The following C18orf63 variants were observed in gnomAD, a reference collection of about 807,000 sequenced individuals.
C18orf63 encodes the protein uncharacterized protein C18orf63.
C18orf63 carries 50 observed loss-of-function variants against 75.3 expected under a neutral mutation model. The observed-to-expected ratio is 0.66, with a 90% CI of 0.53 to 0.84. C18orf63 has a LOEUF of 0.84. C18orf63 is among the 40% of genes least tolerant of loss of function. The pLI is 0.00. For synonymous variants in C18orf63, 232 were observed against 267.6 expected, an observed-to-expected ratio of 0.87 and a Z score of 1.30; for missense variants, 732 against 800.2, an observed-to-expected ratio of 0.91 and a Z score of 1.03.
intron 8 of C18orf63, among the ~76,000 whole-genome samples, chr18:74,340,155 A>G (rs1349628346): frequency 2.7e-5 from 3 of 111,264 alleles, no homozygotes; most frequent in Non-Finnish European, 2.2e-5. Context: ...AAATAACTCA[A>G]TAGCAAGAAA....
chr18:74,350,042 C>T (rs535772566), intron 11 of C18orf63, among the ~76,000 whole-genome samples: 1 of 152,250 alleles, frequency 6.6e-6, no homozygotes, highest in African/African-American at 2.4e-5. Context: ...CCATCCTATC[C>T]ATTGCAGTCA....
At chr18:74,343,452 T>A in intron 10 of C18orf63, 67 bp from the exon 11 acceptor site, 1 of 1,040,216 alleles carries the variant, frequency 9.6e-7, no homozygotes, top group East Asian at 2.7e-5. Context: ...TACTACTTTT[T>A]AAAATCCCTT....
At chr18:74,335,630 G>A (rs1843171926) in intron 7 of C18orf63, among the ~76,000 whole-genome samples, 1 of 152,052 alleles carries the variant, frequency 6.6e-6, no homozygotes, top group Admixed American at 6.6e-5. Flanking sequence ...ATATTAAACT[G>A]TTTGCTTTGA....
In C18orf63 at chr18:74,356,443, G is replaced by GA. The variant is rs1401201092; in HGVS notation, c.*34-32dup. The GA allele has an allele frequency of 2.0e-5, 3 of 152,540 alleles. No individual in the cohort carries two copies. The East Asian group carries it at 5.8e-4, about 29-fold the overall frequency. The allele number at this position is 152,540 out of a possible 1,614,324, so 9.4% of individuals were successfully genotyped here. On this transcript the variant is annotated intron_variant, in intron 13 of 13. Coordinates refer to ENST00000579455, the MANE Select transcript of C18orf63 (RefSeq NM_001174123.2). ...CTTGAGTAGTACAGAGCAGTTTCAA[G>GA]AAAAAAGTAAAAAACCATCTGTAAT...
At chr18:74,323,969 G>A (rs531399455) in intron 4 of C18orf63, among the ~76,000 whole-genome samples, 64 of 152,340 alleles carry the variant, frequency 4.2e-4, no homozygotes, top group South Asian at 3.3e-3. Context: ...ATGGAGTCCT[G>A]TGCAGGGCTG....
intron 4 of C18orf63, among the ~76,000 whole-genome samples, chr18:74,326,326 C>A (rs959565382): frequency 6.6e-6 from 1 of 152,168 alleles, no homozygotes; most frequent in Non-Finnish European, 1.5e-5. Flanking sequence ...TCTGCATGTC[C>A]TTTTTCACAG....
rs1568241199 is a variant in C18orf63, at chr18:74,353,856, GA to G, written c.1593del (p.Lys531AsnfsTer4). The G allele has an allele frequency of 6.5e-7, 1 of 1,534,832 alleles. No homozygotes were observed. Among genetic ancestry groups the G allele is most frequent in the Admixed American group, 2.0e-5 (1 of 50,952 alleles). On this transcript the variant is annotated frameshift_variant, in exon 12 of 14. Transcript: ENST00000579455. LOFTEE classifies it high-confidence loss of function. ...ATGACAAAATTTCCCTCTTCTCGTG[GA>G]AAATCGACTGTGAGTTTAAACAAAA... The part of the protein sequence containing the change: ...ENMTKFPSSR[G>X]KSTVSLNKNK...
intron 11 of C18orf63, among the ~76,000 whole-genome samples, chr18:74,345,293 A>AT (rs1984555643): frequency 6.6e-6 from 1 of 151,774 alleles, no homozygotes; most frequent in African/African-American, 2.4e-5. Context: ...TTCATCAGTT[A>AT]TACATAATTA....
chr18:74,327,904 A>AT (rs755759232), intron 4 of C18orf63, 43 bp from the exon 5 acceptor site: 27 of 1,157,738 alleles, frequency 2.3e-5, no homozygotes, highest in Non-Finnish European at 2.0e-5. Flanking sequence ...ATACACAGCA[A>AT]TTGTTCTAAA....
At chr18:74,345,253 G>A (rs750924726) in intron 11 of C18orf63, among the ~76,000 whole-genome samples, 11 of 151,308 alleles carry the variant, frequency 7.3e-5, no homozygotes, top group Admixed American at 2.0e-4. Context: ...TGATTTATAC[G>A]TATTTTTAAC....
At chr18:74,351,514 C>A (rs370575829) in intron 11 of C18orf63, among the ~76,000 whole-genome samples, 26 of 152,268 alleles carry the variant, frequency 1.7e-4, no homozygotes, top group African/African-American at 5.8e-4. Flanking sequence ...TGTCAGCATT[C>A]CAGCCAACAG....
rs1011883856 is a variant in C18orf63, at chr18:74,353,399, A to G, written c.1132A>G (p.Thr378Ala). 1.3e-6 allele frequency: 2 copies of G among 1,536,212 alleles called. No homozygotes were observed. Among genetic ancestry groups the G allele is most frequent in the East Asian group, 2.4e-5 (1 of 40,914 alleles). ...HKVELSVSQP[T>A]SGIFSALHLQ... ...GGTGGAGCTTTCAGTCAGCCAGCCAACATCAGGCATTTTCTCAGCTTTGCA... is the reference window on the plus strand; with the variant it reads ...GGTGGAGCTTTCAGTCAGCCAGCCAGCATCAGGCATTTTCTCAGCTTTGCA... Residue 378 changes from threonine to alanine, a missense_variant, in exon 12 of 14, where the codon ACA (threonine) becomes GCA (alanine). Physicochemically the swap from Thr to Ala is moderately conservative, Grantham distance 58 (BLOSUM62 0). This residue lies in a region of C18orf63 where 495 missense variants were observed against 508.7 expected (regional missense o/e 0.97). Transcript: ENST00000579455.
At position 74,338,168 on chromosome 18, in the gene C18orf63, C is replaced by T. The variant is rs189482654; in HGVS notation, c.502-547C>T. The stretch of plus-strand genomic sequence containing the variant: ...GGGTAAGAGAGCTGTAATTGGCAAA[C>T]TCTTGTAGGTTAAATACAAGCCAAA... On this transcript the variant is annotated intron_variant, in intron 7 of 13. Transcript: ENST00000579455. Among the ~76,000 whole-genome samples the T allele has an allele frequency of 1.5e-3, 233 of 152,172 alleles. 1 individual carries two copies. Among genetic ancestry groups the T allele is most frequent in the Middle Eastern group, 6.8e-3 (2 of 294 alleles).
Position 74,342,234 on chromosome 18 carries a change from T to C in C18orf63, c.709-7T>C, listed in dbSNP as rs751390621. On this transcript the variant is annotated splice_polypyrimidine_tract_variant and splice_region_variant and intron_variant, in intron 9 of 13. Transcript: ENST00000579455. ...AAGATATTTAAAATTTTGTGCTTAA[T>C]TTTTAGTATGGCTATAAACTTCCAG... 1.3e-6 allele frequency: 2 copies of C among 1,516,300 alleles called. No homozygotes were observed. Among genetic ancestry groups the C allele is most frequent in the Non-Finnish European group, 1.8e-6 (2 of 1,129,320 alleles). 93.9% of individuals were successfully genotyped at this position (1,516,300 alleles called of 1,614,324 possible).
rs1173487128 is a variant in C18orf63 at position 74,322,679 on chromosome 18, A to G, written c.214-19A>G. The G allele has an allele frequency of 2.9e-6, 3 of 1,036,402 alleles. No homozygotes were observed. The highest frequency in any genetic ancestry group is 2.7e-5 in the East Asian group (1 of 37,688). The allele number at this position is 1,036,402 out of a possible 1,614,324, so 64.2% of individuals were successfully genotyped here. On this transcript the variant is annotated intron_variant, in intron 3 of 13. Transcript: ENST00000579455. ...TATATATGTTAAGTCCTTTTTATAA[A>G]TGTGGATTTTTGTTACAGATACCAT...
rs1398023083 is a variant in C18orf63, at chr18:74,354,134, A to G, written c.1867A>G (p.Ser623Gly). The G allele has an allele frequency of 8.5e-6, 13 of 1,536,206 alleles. No homozygotes were observed. In the East Asian group the frequency reaches 2.4e-4, roughly 29 times the overall value. The change falls in exon 12 of 14, where the codon AGT becomes GGT. Residue 623 changes from serine to glycine, a missense_variant. Transcript: ENST00000579455. Reference protein sequence around the residue: ...SENQAKEVGTSDHRLIVSKIA... With the variant: ...SENQAKEVGTGDHRLIVSKIA... ...AAATCAAGCTAAAGAAGTTGGTACA[A>G]GTGACCACAGGTTGATAGTAAGCAA...
Position 74,357,435 on chromosome 18 carries a change from G to A in C18orf63, c.*988G>A, listed in dbSNP as rs1281769312. Reference sequence around the variant, plus strand: ...TGAAAAAAAGAGAAACAGAAGTGGAGCTTCTCAGACAATGAATATTATTCT... The same window carrying A: ...TGAAAAAAAGAGAAACAGAAGTGGAACTTCTCAGACAATGAATATTATTCT... On this transcript the variant is annotated 3_prime_UTR_variant, in exon 14 of 14. Transcript: ENST00000579455. 1 of 152,124 alleles carries A rather than the reference G, an allele frequency of 6.6e-6. No individual in the cohort carries two copies. Among genetic ancestry groups the A allele is most frequent in the African/African-American group, 2.4e-5 (1 of 41,428 alleles). The allele number at this position is 152,124 out of a possible 1,614,324, so 9.4% of individuals were successfully genotyped here.
intron 11 of C18orf63, among the ~76,000 whole-genome samples, chr18:74,347,201 G>A (rs938886826): frequency 2.0e-5 from 3 of 152,136 alleles, no homozygotes; most frequent in Admixed American, 6.5e-5. Flanking sequence ...TCGCAGATTC[G>A]GTTCTCTAGG....
At chr18:74,326,498 G>T (rs758594083) in intron 4 of C18orf63, among the ~76,000 whole-genome samples, 2 of 152,194 alleles carry the variant, frequency 1.3e-5, no homozygotes, top group Non-Finnish European at 1.5e-5. Flanking sequence ...TCCAGAGTTT[G>T]CTTTCTGTGC....
Sources: gnomAD v4.1 joint callset for allele counts (sites outside exome capture counted in the v4.1 genomes callset) on GRCh38, gnomAD v4.1.1 for gene constraint, gnomAD v4.1.1 regional missense constraint, MANE v1.5 for transcripts, NCBI Gene and HGNC (gene_info 2026-07-23, HGNC 2026-07-21) for gene names.